Variants in CNTN6 observed in about 807,000 individuals in gnomAD.
CNTN6 encodes contactin 6, also known as contactin-6.
In CNTN6, 137 loss-of-function variants were observed where a neutral mutation model predicts 122.8. The observed-to-expected ratio is 1.12, with a 90% CI of 0.97 to 1.29. CNTN6 has a LOEUF of 1.29. CNTN6 is among the 50% of genes most tolerant of loss of function. The pLI, the probability that CNTN6 is intolerant of heterozygous loss-of-function variation, is 0.00. For synonymous variants in CNTN6, 570 were observed against 426.0 expected, an observed-to-expected ratio of 1.34 and a Z score of -4.16; for missense variants, 1,634 against 1,223.4, an observed-to-expected ratio of 1.34 and a Z score of -5.01.
At chr3:1,254,751 T>C (rs1209532242) in intron 4 of CNTN6, among the ~76,000 whole-genome samples, 1 of 152,204 alleles carries the variant, frequency 6.6e-6, no homozygotes, top group Non-Finnish European at 1.5e-5. Context: ...TCAAGATGGA[T>C]GAAATTTCCA....
intron 2 of CNTN6, among the ~76,000 whole-genome samples, chr3:1,207,976 T>A (rs2093980798): frequency 6.6e-6 from 1 of 151,992 alleles, no homozygotes; most frequent in African/African-American, 2.4e-5. Context: ...TTTCCTCACA[T>A]CAAATCATTT....
At chr3:1,145,621 A>T (rs2092708503) in intron 1 of CNTN6, among the ~76,000 whole-genome samples, 1 of 152,210 alleles carries the variant, frequency 6.6e-6, no homozygotes, top group Non-Finnish European at 1.5e-5. Flanking sequence ...GAAACTGTCC[A>T]GTGAAAACAA....
intron 7 of CNTN6, among the ~76,000 whole-genome samples, chr3:1,300,283 C>T (rs931834282): frequency 7.2e-5 from 11 of 151,970 alleles, no homozygotes; most frequent in Admixed American, 3.9e-4. Context: ...ACTGCGCCGA[C>T]CGCATTCTGC....
At chr3:1,096,227 T>G (rs1198664066) in intron 1 of CNTN6, among the ~76,000 whole-genome samples, 2 of 152,240 alleles carry the variant, frequency 1.3e-5, no homozygotes, top group African/African-American at 2.4e-5. Flanking sequence ...GCTTTTTTTC[T>G]GATAAATGCC....
chr3:1,102,740 A>C (rs1294686602), intron 1 of CNTN6, among the ~76,000 whole-genome samples: 2 of 146,454 alleles, frequency 1.4e-5, no homozygotes, highest in Non-Finnish European at 3.0e-5. Context: ...AAAATAAATA[A>C]ATACATAAAT....
chr3:1,383,129 G>C lies in CNTN6; in HGVS notation c.2354G>C (p.Gly785Ala). The part of the protein sequence containing the change: ...EVKVGVYNNE[G>A]EGSLSTVTIV... ...AAAGTGGGTGTGTATAATAATGAAG[G>C]AGAAGGATCCCTGAGTACTGTGACC... The change falls in exon 18 of 23, where the codon GGA becomes GCA. Residue 785 changes from glycine to alanine, a missense_variant. Physicochemically the swap from Gly to Ala is moderately conservative, Grantham distance 60. Transcript: ENST00000446702. 1 of 1,614,054 alleles carries C rather than the reference G, an allele frequency of 6.2e-7. No homozygotes were observed. Among genetic ancestry groups the C allele is most frequent in the Non-Finnish European group, 8.5e-7 (1 of 1,179,942 alleles).
intron 7 of CNTN6, among the ~76,000 whole-genome samples, chr3:1,315,080 T>C (rs1259101414): frequency 6.6e-6 from 1 of 152,008 alleles, no homozygotes; most frequent in African/African-American, 2.4e-5. Flanking sequence ...ATATCTGTAG[T>C]TAAAATGATA....
At chr3:1,108,380 G>A (rs961271407) in intron 1 of CNTN6, among the ~76,000 whole-genome samples, 1 of 151,916 alleles carries the variant, frequency 6.6e-6, no homozygotes, top group Non-Finnish European at 1.5e-5. Context: ...CATATAACCT[G>A]AATGCATTTC....
intron 4 of CNTN6, among the ~76,000 whole-genome samples, chr3:1,241,864 A>G (rs1217561315): frequency 6.6e-6 from 1 of 152,192 alleles, no homozygotes; most frequent in Non-Finnish European, 1.5e-5. Context: ...GAAGGCCTCT[A>G]AAAGTATTAA....
intron 7 of CNTN6, among the ~76,000 whole-genome samples, chr3:1,306,435 C>T (rs1007085292): frequency 4.6e-5 from 7 of 152,086 alleles, no homozygotes; most frequent in Non-Finnish European, 8.8e-5. Context: ...TGAAAGATAA[C>T]ATTAAACCCA....
chr3:1,137,566 A>G (rs1316048892), intron 1 of CNTN6, among the ~76,000 whole-genome samples: 2 of 152,182 alleles, frequency 1.3e-5, no homozygotes, highest in African/African-American at 4.8e-5. Context: ...AATATTATTT[A>G]TAATATACTA....
intron 9 of CNTN6, among the ~76,000 whole-genome samples, chr3:1,326,816 AT>A (rs1701607321): frequency 6.6e-6 from 1 of 151,790 alleles, no homozygotes; most frequent in Admixed American, 6.6e-5. Flanking sequence ...CCTCCAGCCT[AT>A]TTTCCTTTTC....
At chr3:1,383,466 T>C in intron 19 of CNTN6, 58 bp downstream of exon 19, 1 of 1,278,776 alleles carries the variant, frequency 7.8e-7, no homozygotes, top group East Asian at 2.3e-5. Context: ...TCGCAATAGC[T>C]CCTATTCAAC....
At chr3:1,127,225 C>CT in intron 1 of CNTN6, among the ~76,000 whole-genome samples, 1 of 151,794 alleles carries the variant, frequency 6.6e-6, no homozygotes, top group South Asian at 2.1e-4. Context: ...CATTCTAGCA[C>CT]AGTTTAATAA....
At chr3:1,298,572 A>T (rs1391997220) in intron 7 of CNTN6, among the ~76,000 whole-genome samples, 1 of 152,140 alleles carries the variant, frequency 6.6e-6, no homozygotes, top group African/African-American at 2.4e-5. Context: ...CCAGGAAAAT[A>T]CCTACATTTT....
intron 3 of CNTN6, among the ~76,000 whole-genome samples, chr3:1,224,325 A>G (rs555995540): frequency 6.6e-6 from 1 of 152,276 alleles, no homozygotes; most frequent in African/African-American, 2.4e-5. Flanking sequence ...ACCTTTAGAC[A>G]GGAGGAATAA....
rs1691981298 is a variant in CNTN6 at position 1,274,605 on chromosome 3, C to CA, written c.359-3803dup. Among the ~76,000 whole-genome samples, 4 of 152,172 alleles carry CA rather than the reference C, an allele frequency of 2.6e-5. No homozygotes were observed. In the South Asian group the frequency reaches 8.3e-4, roughly 32 times the overall value. The stretch of plus-strand genomic sequence containing the variant: ...TACATGGATTGAAAAGCAATGTTTA[C>CA]AAAAAGAACACTGATATGGGAAGTA... On this transcript the variant is annotated intron_variant, in intron 4 of 22. Coordinates refer to ENST00000446702, the MANE Select transcript of CNTN6 (RefSeq NM_001289080.2).
intron 2 of CNTN6, among the ~76,000 whole-genome samples, chr3:1,206,243 C>A (rs929927421): frequency 1.3e-5 from 2 of 152,134 alleles, no homozygotes; most frequent in South Asian, 2.1e-4. Flanking sequence ...TCCCATACTT[C>A]CCCTCCTATC....
In CNTN6 at chr3:1,228,287, T is replaced by C. The variant is rs138485632; in HGVS notation, c.358+294T>C. The stretch of plus-strand genomic sequence containing the variant: ...AATATTAAGATAAAGATGTATGATA[T>C]AGCATTCTTTTTCTTTTTCTTTTGC... On this transcript the variant is annotated intron_variant, in intron 4 of 22. Coordinates refer to ENST00000446702, the MANE Select transcript of CNTN6 (RefSeq NM_001289080.2). 4.8e-3 allele frequency among the ~76,000 whole-genome samples: 729 copies of C among 152,300 alleles called. 1 individual carries two copies. The highest frequency in any genetic ancestry group is 0.016 in the African/African-American group (659 of 41,574).
Sources: gnomAD v4.1 joint callset for allele counts (sites outside exome capture counted in the v4.1 genomes callset) on GRCh38, gnomAD v4.1.1 for gene constraint, MANE v1.5 for transcripts, NCBI Gene and HGNC (gene_info 2026-07-23, HGNC 2026-07-21) for gene names.